Variants in RNF13 observed in about 807,000 individuals in gnomAD.
RNF13 encodes the protein E3 ubiquitin-protein ligase RNF13.
Under a neutral mutation model 37.7 loss-of-function variants are expected in RNF13, and 19 were observed. The observed-to-expected ratio is 0.50, with a 90% CI of 0.35 to 0.74. The LOEUF is 0.74. RNF13 is among the 30% of genes least tolerant of loss of function. RNF13 has a pLI of 0.01. For missense variants in RNF13, 375 were observed against 453.0 expected (o/e 0.83, Z 1.56); for synonymous variants, 144 against 157.8 (o/e 0.91, Z 0.65).
intron 8 of RNF13, among the ~76,000 whole-genome samples, chr3:149,949,946 G>A (rs1432734066): frequency 6.6e-6 from 1 of 151,790 alleles, no homozygotes; most frequent in Non-Finnish European, 1.5e-5. Flanking sequence ...ATTTTCTGTA[G>A]TTGTTCCATA....
chr3:149,868,635 C>T (rs984894516), intron 3 of RNF13, among the ~76,000 whole-genome samples: 2 of 149,806 alleles, frequency 1.3e-5, no homozygotes, highest in Non-Finnish European at 3.0e-5. Flanking sequence ...CTGTTCTTTC[C>T]TTTCTTTCTC....
At chr3:149,858,475 A>T (rs1362935375) in intron 3 of RNF13, among the ~76,000 whole-genome samples, 1 of 152,252 alleles carries the variant, frequency 6.6e-6, no homozygotes, top group Non-Finnish European at 1.5e-5. Context: ...TAAAAAATTG[A>T]AAACAAGATT....
intron 7 of RNF13, among the ~76,000 whole-genome samples, chr3:149,916,573 A>T (rs530614901): frequency 2.0e-5 from 3 of 152,188 alleles, no homozygotes; most frequent in Non-Finnish European, 4.4e-5. Flanking sequence ...TATTTTTATC[A>T]TGAATTTTTG....
intron 4 of RNF13, among the ~76,000 whole-genome samples, chr3:149,884,643 G>A (rs905857602): frequency 6.6e-6 from 1 of 151,800 alleles, no homozygotes; most frequent in African/African-American, 2.4e-5. Context: ...GTAGGTGTAT[G>A]TATTTATAGG....
intron 4 of RNF13, among the ~76,000 whole-genome samples, chr3:149,882,714 A>G (rs1713570487): frequency 6.6e-6 from 1 of 152,106 alleles, no homozygotes; most frequent in South Asian, 2.1e-4. Flanking sequence ...TTTATTTTCA[A>G]TTTGAGACCA....
At chr3:149,874,724 A>G (rs1439739338) in intron 4 of RNF13, among the ~76,000 whole-genome samples, 1 of 152,152 alleles carries the variant, frequency 6.6e-6, no homozygotes, top group African/African-American at 2.4e-5. Context: ...GCCATTGTGG[A>G]AAGTATGTTT....
chr3:149,917,305 A>C lies in RNF13; in HGVS notation c.607-3829A>C, dbSNP rs563568245. ...TGAAGGGAAGGCCTACTTCATTCCA[A>C]AGTTGTCTTTGTCTATATCTAAGTG... On this transcript the variant is annotated intron_variant, in intron 7 of 9. Coordinates refer to ENST00000392894, the MANE Select transcript of RNF13 (RefSeq NM_183381.3). The C allele has an allele frequency of 9.2e-5, 14 of 152,298 alleles. No homozygotes were observed. In the South Asian group the frequency reaches 2.9e-3, roughly 32 times the overall value. 9.4% of individuals were successfully genotyped at this position (152,298 alleles called of 1,614,324 possible). A position where few individuals can be genotyped will look rare whatever the true frequency, so the allele number is the denominator to read the frequency against.
At chr3:149,850,273 TC>T (rs562863367) in intron 2 of RNF13, among the ~76,000 whole-genome samples, 106 of 152,270 alleles carry the variant, frequency 7.0e-4, no homozygotes, top group Non-Finnish European at 1.2e-3. Flanking sequence ...AGCCACCACA[TC>T]CGGCCTACTA....
intron 1 of RNF13, among the ~76,000 whole-genome samples, chr3:149,823,151 TTAAAAA>T (rs529949726): frequency 6.6e-6 from 1 of 152,100 alleles, no homozygotes; most frequent in African/African-American, 2.4e-5. Flanking sequence ...CTTAAAACAC[TTAAAAA>T]TAAGAGGAAA....
intron 8 of RNF13, among the ~76,000 whole-genome samples, chr3:149,944,268 C>T (rs1379533434): frequency 6.6e-6 from 1 of 152,182 alleles, no homozygotes; most frequent in Non-Finnish European, 1.5e-5. Context: ...AATAGTGCCT[C>T]AATAAACATA....
chr3:149,893,943 T>C (rs1714979730), intron 4 of RNF13: 1 of 152,192 alleles, frequency 6.6e-6, no homozygotes, highest in Non-Finnish European at 1.5e-5. Flanking sequence ...TTTTAATTAG[T>C]TTTTTAAAAA....
chr3:149,896,262 TAACCATA>T, intron 5 of RNF13, among the ~76,000 whole-genome samples: 1 of 152,288 alleles, frequency 6.6e-6, no homozygotes, highest in East Asian at 1.9e-4. Flanking sequence ...TTTGAGTGCA[TAACCATA>T]ATATATTTTG....
intron 6 of RNF13, 63 bp downstream of exon 6, chr3:149,902,225 T>C: frequency 1.4e-6 from 1 of 724,950 alleles, no homozygotes; most frequent in Non-Finnish European, 2.3e-6. Flanking sequence ...GGTAGAATTA[T>C]ATAATATTGT....
At chr3:149,893,031 C>G (rs545999939) in intron 4 of RNF13, among the ~76,000 whole-genome samples, 1 of 152,292 alleles carries the variant, frequency 6.6e-6, no homozygotes, top group East Asian at 1.9e-4. Context: ...CAGTTCTACA[C>G]AGGGTCAAGA....
At chr3:149,917,691 A>G (rs1279887728) in intron 7 of RNF13, among the ~76,000 whole-genome samples, 1 of 152,226 alleles carries the variant, frequency 6.6e-6, no homozygotes, top group East Asian at 1.9e-4. Context: ...GTGTTGAGGT[A>G]AGAAAACATT....
At chr3:149,946,714 C>T (rs1041698626) in intron 8 of RNF13, among the ~76,000 whole-genome samples, 1 of 152,156 alleles carries the variant, frequency 6.6e-6, no homozygotes, top group Non-Finnish European at 1.5e-5. Flanking sequence ...TTAGTTATTG[C>T]AGCTAAAGAT....
chr3:149,873,939 A>G (rs946350975), intron 4 of RNF13, among the ~76,000 whole-genome samples: 11 of 152,358 alleles, frequency 7.2e-5, no homozygotes, highest in Admixed American at 3.3e-4. Flanking sequence ...GTGGTAATCA[A>G]TAAAGACTTA....
At chr3:149,896,811 G>A (rs1378881625) in intron 5 of RNF13, among the ~76,000 whole-genome samples, 1 of 151,794 alleles carries the variant, frequency 6.6e-6, no homozygotes, top group Admixed American at 6.6e-5. Flanking sequence ...ATAGAGTGAG[G>A]CAAAATTATA....
intron 3 of RNF13, among the ~76,000 whole-genome samples, chr3:149,868,466 T>C (rs937461431): frequency 7.9e-5 from 12 of 151,774 alleles, no homozygotes; most frequent in African/African-American, 2.9e-4. Flanking sequence ...AGGATAACTT[T>C]ACTGGATTTG....
Sources: gnomAD v4.1 joint callset for allele counts (sites outside exome capture counted in the v4.1 genomes callset) on GRCh38, gnomAD v4.1.1 for gene constraint, MANE v1.5 for transcripts, NCBI Gene and HGNC (gene_info 2026-07-23, HGNC 2026-07-21) for gene names.